MGAT4C: variants seen among roughly 807,000 people sequenced by gnomAD.
MGAT4C encodes MGAT4 family member C, also known as alpha-1,3-mannosyl-glycoprotein 4-beta-N-acetylglucosaminyltransferase C.
MGAT4C carries 19 observed loss-of-function variants against 40.1 expected under a neutral mutation model. That is an observed-to-expected ratio of 0.47 (90% CI 0.33 to 0.70). The LOEUF (loss-of-function observed/expected upper bound fraction) is 0.70. Ranked by LOEUF, MGAT4C falls within the 30% of genes least tolerant of loss-of-function variation. The pLI is 0.02. For synonymous variants in MGAT4C, 181 were observed against 187.1 expected (o/e 0.97, Z 0.27); for missense variants, 491 against 563.2 (o/e 0.87, Z 1.30).
At chr12:86,396,332 T>TA (rs1282834056) in intron 3 of MGAT4C, among the ~76,000 whole-genome samples, 5 of 152,088 alleles carry the variant, frequency 3.3e-5, no homozygotes, top group Non-Finnish European at 7.4e-5. Flanking sequence ...GTGAGAACCT[T>TA]AAAAAATATA....
intron 2 of MGAT4C, among the ~76,000 whole-genome samples, chr12:86,516,576 T>G (rs1050737829): frequency 6.6e-6 from 1 of 152,050 alleles, no homozygotes; most frequent in Non-Finnish European, 1.5e-5. Flanking sequence ...TTTTCTAATA[T>G]GAGACCAAAA....
At position 85,965,221 on chromosome 12, in the gene MGAT4C, A is replaced by C. The variant is rs1236724346; in HGVS notation, c.*14068T>G. 1.3e-5 allele frequency: 2 copies of C among 151,748 alleles called. No homozygotes were observed. Among genetic ancestry groups the C allele is most frequent in the Middle Eastern group, 3.4e-3 (1 of 290 alleles). 9.4% of individuals were successfully genotyped at this position (151,748 alleles called of 1,614,324 possible). On this transcript the variant is annotated 3_prime_UTR_variant, in exon 5 of 5. Coordinates refer to ENST00000611864, the MANE Select transcript of MGAT4C (RefSeq NM_001351288.2). ...TGCCATGTTGGTGTTCTGCATCTTA[A>C]GAGAAGACTATTTATAAAATTTATT...
chr12:86,814,869 T>A (rs1952569264), intron 1 of MGAT4C, among the ~76,000 whole-genome samples: 1 of 152,064 alleles, frequency 6.6e-6, no homozygotes, highest in Non-Finnish European at 1.5e-5. Context: ...GCTGCTTATT[T>A]TGAACTTGAT....
intron 2 of MGAT4C, among the ~76,000 whole-genome samples, chr12:86,683,521 C>A (rs1400352351): frequency 6.6e-6 from 1 of 152,002 alleles, no homozygotes; most frequent in Non-Finnish European, 1.5e-5. Context: ...CTTGTTCAAT[C>A]CAAACTAAAT....
chr12:86,733,787 A>C (rs1950946623), intron 1 of MGAT4C, among the ~76,000 whole-genome samples: 1 of 152,118 alleles, frequency 6.6e-6, no homozygotes. Context: ...AATGCCTGAG[A>C]ATCCTTTAAA....
chr12:86,193,158 A>AT, intron 1 of MGAT4C, among the ~76,000 whole-genome samples: 1 of 151,648 alleles, frequency 6.6e-6, no homozygotes, highest in East Asian at 1.9e-4. Context: ...TTAACACTTT[A>AT]TTTTTTCATT....
At chr12:86,585,491 T>C (rs1960978520) in intron 2 of MGAT4C, among the ~76,000 whole-genome samples, 1 of 151,404 alleles carries the variant, frequency 6.6e-6, no homozygotes, top group African/African-American at 2.4e-5. Context: ...ATGAAAAATT[T>C]TGCCTAAAGG....
chr12:86,606,142 C>T (rs569462292), intron 2 of MGAT4C, among the ~76,000 whole-genome samples: 9 of 151,988 alleles, frequency 5.9e-5, no homozygotes, highest in South Asian at 2.1e-4. Flanking sequence ...GGAAACCACC[C>T]CCATGATTCA....
chr12:86,688,374 T>C (rs1950113533), intron 2 of MGAT4C, among the ~76,000 whole-genome samples: 1 of 152,054 alleles, frequency 6.6e-6, no homozygotes, highest in African/African-American at 2.4e-5. Flanking sequence ...ATGGGTTAAT[T>C]TGATCCTGTC....
Position 86,581,027 on chromosome 12 carries a change from T to C in MGAT4C, c.-228-145762A>G, listed in dbSNP as rs781596401. 5.3e-5 allele frequency among the ~76,000 whole-genome samples: 8 copies of C among 151,494 alleles called. No homozygotes were observed. The East Asian group carries it at 5.8e-4, about 11-fold the overall frequency. ...TAGTGGGTTGGCACTTAGTATCATT[T>C]GCATCATTTTCAGAGGTTGGGTATC... is the stretch of plus-strand genomic sequence containing the variant. On this transcript the variant is annotated intron_variant, in intron 2 of 7. Coordinates refer to the MGAT4C transcript ENST00000548651.
At chr12:86,508,269 T>G (rs1958507451) in intron 2 of MGAT4C, among the ~76,000 whole-genome samples, 1 of 152,088 alleles carries the variant, frequency 6.6e-6, no homozygotes, top group Non-Finnish European at 1.5e-5. Context: ...CCAAGTGTTC[T>G]CATTGTTCAA....
intron 1 of MGAT4C, among the ~76,000 whole-genome samples, chr12:86,137,227 C>A (rs998339431): frequency 6.6e-6 from 1 of 152,182 alleles, no homozygotes; most frequent in Non-Finnish European, 1.5e-5. Context: ...TTCTTGACTA[C>A]TTTTTCCTCA....
intron 2 of MGAT4C, among the ~76,000 whole-genome samples, chr12:86,722,212 G>A (rs1356536599): frequency 6.6e-6 from 1 of 152,112 alleles, no homozygotes; most frequent in East Asian, 1.9e-4. Flanking sequence ...TGCATGACAG[G>A]AAGCAAGCAT....
intron 1 of MGAT4C, among the ~76,000 whole-genome samples, chr12:86,750,520 ACTTGT>A (rs1421294580): frequency 6.6e-6 from 1 of 151,842 alleles, no homozygotes; most frequent in Non-Finnish European, 1.5e-5. Flanking sequence ...AACAAAACAA[ACTTGT>A]CCATGGTAGT....
intron 1 of MGAT4C, among the ~76,000 whole-genome samples, chr12:86,802,793 T>C (rs1322646073): frequency 6.9e-6 from 1 of 145,442 alleles, no homozygotes; most frequent in Non-Finnish European, 1.5e-5. Flanking sequence ...GAACATTCCA[T>C]GCTCATGGGT....
At chr12:86,433,468 G>A (rs1375424193) in intron 3 of MGAT4C, among the ~76,000 whole-genome samples, 1 of 151,846 alleles carries the variant, frequency 6.6e-6, no homozygotes, top group Non-Finnish European at 1.5e-5. Flanking sequence ...TGCTGCATGT[G>A]CCTATTGCAA....
intron 2 of MGAT4C, among the ~76,000 whole-genome samples, chr12:86,688,823 T>C (rs532843776): frequency 6.6e-6 from 1 of 152,292 alleles, no homozygotes; most frequent in African/African-American, 2.4e-5. Context: ...ATTATGTGTC[T>C]GGGGGTTATT....
At chr12:86,737,204 C>T (rs960032400) in intron 1 of MGAT4C, among the ~76,000 whole-genome samples, 2 of 151,406 alleles carry the variant, frequency 1.3e-5, no homozygotes, top group Non-Finnish European at 3.0e-5. Context: ...TTTATCCCCA[C>T]AGCTCCAGCA....
Position 85,961,544 on chromosome 12 carries a change from C to T in MGAT4C, c.*17745G>A, listed in dbSNP as rs1312198344. On this transcript the variant is annotated 3_prime_UTR_variant, in exon 5 of 5. Coordinates refer to ENST00000611864, the MANE Select transcript of MGAT4C (RefSeq NM_001351288.2). ...TATCATCCTCTACCACATAATTCCT[C>T]CTATATTCTCTTTTTCTGACTGTGG... 1 of 151,680 alleles carries T rather than the reference C, an allele frequency of 6.6e-6. No individual in the cohort carries two copies. Among genetic ancestry groups the T allele is most frequent in the Non-Finnish European group, 1.5e-5 (1 of 67,738 alleles). 9.4% of individuals were successfully genotyped at this position (151,680 alleles called of 1,614,324 possible).
Sources: allele counts gnomAD v4.1 joint callset (sites outside exome capture counted in the v4.1 genomes callset), GRCh38; gene constraint gnomAD v4.1.1; transcripts MANE v1.5; gene names NCBI Gene and HGNC (gene_info 2026-07-23, HGNC 2026-07-21).